Variants in AFF2 observed in about 807,000 individuals in gnomAD.
The protein encoded by AFF2 is AF4/FMR2 family member 2.
AFF2 carries 14 observed loss-of-function variants against 76.9 expected under a neutral mutation model. The observed-to-expected ratio is 0.18, with a 90% CI of 0.12 to 0.28. The LOEUF is 0.28. Ranked by LOEUF, AFF2 falls within the 10% of genes least tolerant of loss-of-function variation. AFF2 has a pLI of 1.00. For missense variants in AFF2, 868 were observed against 1,001.1 expected, an observed-to-expected ratio of 0.87 and a Z score of 1.79; for synonymous variants, 398 against 366.7, an observed-to-expected ratio of 1.09 and a Z score of -0.98.
At chrX:148,935,227 T>A (rs1557284893) in intron 9 of AFF2, among the ~76,000 whole-genome samples, 1 of 110,601 alleles carries the variant, frequency 9.0e-6, no homozygotes, top group Admixed American at 9.7e-5. Flanking sequence ...AAAAAATATT[T>A]ATATGCATGA....
At chrX:148,595,777 A>G (rs1356944734) in intron 1 of AFF2, among the ~76,000 whole-genome samples, 5 of 112,129 alleles carry the variant, frequency 4.5e-5, no homozygotes, top group Non-Finnish European at 9.4e-5. Context: ...GATGACAAGT[A>G]TTCCAGTATG....
intron 1 of AFF2, among the ~76,000 whole-genome samples, chrX:148,503,681 C>CA (rs782475442): frequency 8.9e-6 from 1 of 112,221 alleles, no homozygotes; most frequent in African/African-American, 3.2e-5. Context: ...CTGTAGTAAA[C>CA]AAAAAGTGTG....
chrX:148,942,834 T>C (rs1267071055), intron 9 of AFF2, among the ~76,000 whole-genome samples: 1 of 83,978 alleles, frequency 1.2e-5, no homozygotes, highest in Non-Finnish European at 2.4e-5. Flanking sequence ...AAAAAAAAAA[T>C]AGAAAAGAAA....
At chrX:148,603,705 A>T (rs1160829208) in intron 1 of AFF2, among the ~76,000 whole-genome samples, 8 of 110,123 alleles carry the variant, frequency 7.3e-5, no homozygotes, top group Admixed American at 6.8e-4. Flanking sequence ...CTTTTATTAT[A>T]ATTTTAATTA....
intron 3 of AFF2, among the ~76,000 whole-genome samples, chrX:148,706,280 A>T (rs1451381622): frequency 1.8e-5 from 2 of 111,878 alleles, no homozygotes; most frequent in East Asian, 5.6e-4. Flanking sequence ...GATGTCTGCC[A>T]TTTCGGAACC....
chrX:148,562,229 G>A (rs1307445690), intron 1 of AFF2, among the ~76,000 whole-genome samples: 1 of 112,242 alleles, frequency 8.9e-6, no homozygotes, highest in African/African-American at 3.2e-5. Flanking sequence ...TTGTCAAGTC[G>A]CTTTGGCATC....
At chrX:148,849,005 GT>G (rs1486669919) in intron 7 of AFF2, among the ~76,000 whole-genome samples, 1 of 111,532 alleles carries the variant, frequency 9.0e-6, no homozygotes, top group Non-Finnish European at 1.9e-5. Context: ...ATGAATCAGC[GT>G]GTGGTCCTTG....
At chrX:148,933,366 G>T (rs923439599) in intron 9 of AFF2, among the ~76,000 whole-genome samples, 1 of 111,724 alleles carries the variant, frequency 9.0e-6, no homozygotes, top group African/African-American at 3.3e-5. Context: ...TAGATTGAGT[G>T]AATTGGGAGC....
intron 3 of AFF2, among the ~76,000 whole-genome samples, chrX:148,738,251 CT>C (rs1225449903): frequency 3.7e-5 from 4 of 109,548 alleles, no homozygotes; most frequent in South Asian, 3.9e-4. Flanking sequence ...TGGTCCTGGA[CT>C]TTTTTTTTGT....
At chrX:148,561,330 T>C (rs2053110587) in intron 1 of AFF2, among the ~76,000 whole-genome samples, 1 of 111,970 alleles carries the variant, frequency 8.9e-6, no homozygotes, top group Non-Finnish European at 1.9e-5. Flanking sequence ...CTCTAGGGTA[T>C]TTTCTCTTAT....
At chrX:148,926,818 T>C (rs1201328320) in intron 9 of AFF2, among the ~76,000 whole-genome samples, 2 of 111,929 alleles carry the variant, frequency 1.8e-5, no homozygotes, top group Non-Finnish European at 3.8e-5. Context: ...TGAAAGCTTA[T>C]TGGTGGATCT....
At chrX:148,872,301 C>T (rs12007700) in intron 7 of AFF2, among the ~76,000 whole-genome samples, 1,910 of 111,364 alleles carry the variant, frequency 0.017, 54 homozygotes, top group African/African-American at 0.058. Context: ...CCCCCCAAGC[C>T]CTGGCAACCA....
intron 2 of AFF2, among the ~76,000 whole-genome samples, chrX:148,654,405 C>T (rs1389976979): frequency 3.6e-5 from 4 of 110,181 alleles, no homozygotes; most frequent in Admixed American, 9.7e-5. Context: ...GTAAAGAAAG[C>T]GAGACAGTCA....
At chrX:148,825,870 G>T (rs1407194561) in intron 4 of AFF2, among the ~76,000 whole-genome samples, 1 of 109,213 alleles carries the variant, frequency 9.2e-6, no homozygotes, top group African/African-American at 3.3e-5. Flanking sequence ...CTGTGGCACT[G>T]GTTGCCAACT....
At position 148,714,031 on chromosome X, in the gene AFF2, G is replaced by C. The variant is rs2054999872; in HGVS notation, c.1041+51263G>C. Among the ~76,000 whole-genome samples the C allele has an allele frequency of 2.7e-5, 3 of 111,877 alleles. No individual in the cohort carries two copies. In the Admixed American group the frequency reaches 2.8e-4, roughly 11 times the overall value. On this transcript the variant is annotated intron_variant, in intron 3 of 20. Transcript: ENST00000370460. ...ATATGCTGCCATCAGTTGTGACCCA[G>C]GTAATAGTGCAGCTAAAATAATTTC...
At chrX:148,632,592 G>T (rs1032821944) in intron 1 of AFF2, among the ~76,000 whole-genome samples, 1 of 111,759 alleles carries the variant, frequency 8.9e-6, no homozygotes, top group Admixed American at 9.5e-5. Context: ...TACTGTTGTT[G>T]AGATACTTAG....
At chrX:148,857,634 G>T (rs2070801434) in intron 7 of AFF2, among the ~76,000 whole-genome samples, 1 of 111,253 alleles carries the variant, frequency 9.0e-6, no homozygotes, top group African/African-American at 3.3e-5. Context: ...TACTTATGTG[G>T]ATATAAATAC....
intron 1 of AFF2, among the ~76,000 whole-genome samples, chrX:148,511,946 G>T (rs1254571136): frequency 8.9e-6 from 1 of 112,544 alleles, no homozygotes; most frequent in Non-Finnish European, 1.9e-5. Flanking sequence ...GTGTCAGGAT[G>T]CAGGTCAGGA....
At chrX:148,818,062 C>T (rs2070287376) in intron 4 of AFF2, among the ~76,000 whole-genome samples, 1 of 111,516 alleles carries the variant, frequency 9.0e-6, no homozygotes, top group Non-Finnish European at 1.9e-5. Flanking sequence ...ACTAGATGTT[C>T]TTTATACCAC....
Sources: allele counts gnomAD v4.1 joint callset (sites outside exome capture counted in the v4.1 genomes callset), GRCh38; gene constraint gnomAD v4.1.1; transcripts MANE v1.5; gene names NCBI Gene and HGNC (gene_info 2026-07-23, HGNC 2026-07-21).